Variants in CPED1 observed in about 807,000 individuals in gnomAD.
The protein encoded by CPED1 is cadherin-like and PC-esterase domain-containing protein 1.
In CPED1, 114 loss-of-function variants were observed where a neutral mutation model predicts 128.2. That is an observed-to-expected ratio of 0.89 (90% CI 0.76 to 1.04). The LOEUF is 1.04. CPED1 is among the 50% of genes least tolerant of loss of function. The pLI is 0.00. For missense variants in CPED1, 1,211 were observed against 1,207.1 expected, an observed-to-expected ratio of 1.00 and a Z score of -0.05; for synonymous variants, 462 against 426.7, an observed-to-expected ratio of 1.08 and a Z score of -1.02.
chr7:121,230,012 T>C (rs1028455234), intron 16 of CPED1, among the ~76,000 whole-genome samples: 20 of 152,100 alleles, frequency 1.3e-4, no homozygotes, highest in Non-Finnish European at 2.4e-4. Context: ...TGCAATGCAA[T>C]CTCTTGAATT....
chr7:121,216,685 CAA>C (rs1234956777), intron 16 of CPED1, among the ~76,000 whole-genome samples: 4 of 151,964 alleles, frequency 2.6e-5, no homozygotes, highest in Admixed American at 1.3e-4. Context: ...CTGGATGCTG[CAA>C]GTTTTTCCTT....
chr7:121,125,912 CAT>C lies in CPED1; in HGVS notation c.1134+21_1134+22del. 1 of 1,512,918 alleles carries C rather than the reference CAT, an allele frequency of 6.6e-7. No individual in the cohort carries two copies. The highest frequency in any genetic ancestry group is 9.2e-7 in the Non-Finnish European group (1 of 1,087,954). 93.7% of individuals were successfully genotyped at this position (1,512,918 alleles called of 1,614,324 possible). A position where few individuals can be genotyped will look rare whatever the true frequency, so the allele number is the denominator to read the frequency against. The stretch of plus-strand genomic sequence containing the variant: ...CTCCAGGTCAGTATGCCAAAGGCCT[CAT>C]GTGAGCTTCTACCTTGTGGTGAGAG... On this transcript the variant is annotated intron_variant, in intron 9 of 22. Transcript: ENST00000310396.
chr7:121,111,561 G>A (rs1373271378), intron 7 of CPED1, among the ~76,000 whole-genome samples: 3 of 152,176 alleles, frequency 2.0e-5, no homozygotes, highest in African/African-American at 7.2e-5. Context: ...AGATAAGAAG[G>A]TGAGAACATG....
At chr7:121,082,646 A>T (rs1584498756) in intron 5 of CPED1, among the ~76,000 whole-genome samples, 1 of 152,280 alleles carries the variant, frequency 6.6e-6, no homozygotes, top group East Asian at 1.9e-4. Flanking sequence ...CATCTATAGG[A>T]TAACCATCTG....
intron 16 of CPED1, among the ~76,000 whole-genome samples, chr7:121,214,670 G>A (rs367973905): frequency 3.1e-4 from 47 of 152,120 alleles, no homozygotes; most frequent in African/African-American, 9.4e-4. Flanking sequence ...CTGTCATGTC[G>A]TAGATACAAG....
At chr7:121,209,889 A>G (rs1255594649) in intron 16 of CPED1, among the ~76,000 whole-genome samples, 2 of 152,062 alleles carry the variant, frequency 1.3e-5, no homozygotes, top group Non-Finnish European at 2.9e-5. Flanking sequence ...CACATAAACC[A>G]TATAAACAAC....
intron 22 of CPED1, among the ~76,000 whole-genome samples, chr7:121,278,134 TA>T (rs1179390641): frequency 3.3e-5 from 5 of 152,120 alleles, no homozygotes; most frequent in African/African-American, 7.2e-5. Flanking sequence ...AGGGGGCTCA[TA>T]ATAGCTTTCA....
chr7:121,066,738 A>G (rs778719300), intron 5 of CPED1, among the ~76,000 whole-genome samples: 1 of 152,164 alleles, frequency 6.6e-6, no homozygotes, highest in Non-Finnish European at 1.5e-5. Flanking sequence ...GCCAACTATC[A>G]GCACATGTAC....
At chr7:121,100,831 C>T (rs1386064358) in intron 7 of CPED1, among the ~76,000 whole-genome samples, 1 of 152,050 alleles carries the variant, frequency 6.6e-6, no homozygotes, top group African/African-American at 2.4e-5. Flanking sequence ...TGATTTTTTT[C>T]AGAATTTACC....
At chr7:121,141,036 G>A in intron 15 of CPED1, 23 bp downstream of exon 15, 1 of 1,583,314 alleles carries the variant, frequency 6.3e-7, no homozygotes, top group Non-Finnish European at 8.6e-7. Flanking sequence ...GACTGGGGCT[G>A]TGTTGAGACA....
chr7:121,175,513 G>A (rs1007729651), intron 16 of CPED1, among the ~76,000 whole-genome samples: 1 of 152,048 alleles, frequency 6.6e-6, no homozygotes, highest in East Asian at 1.9e-4. Context: ...GAGCATTTAA[G>A]TGTCTCATTA....
chr7:121,293,175 G>T (rs1411061162), intron 22 of CPED1, among the ~76,000 whole-genome samples: 1 of 152,168 alleles, frequency 6.6e-6, no homozygotes, highest in Non-Finnish European at 1.5e-5. Flanking sequence ...TTATCTATAA[G>T]CCCCTGACTA....
At chr7:121,250,607 T>C (rs1380196785) in intron 18 of CPED1, among the ~76,000 whole-genome samples, 2 of 152,020 alleles carry the variant, frequency 1.3e-5, no homozygotes, top group African/African-American at 2.4e-5. Flanking sequence ...AAGAATCAAA[T>C]AGATGCAATA....
rs187972520 is a variant in CPED1 at position 121,001,761 on chromosome 7, G to A, written c.249+11891G>A. 3.4e-4 allele frequency among the ~76,000 whole-genome samples: 51 copies of A among 152,202 alleles called. No individual in the cohort carries two copies. In the Middle Eastern group the frequency reaches 0.01, roughly 30 times the overall value. ...CCCAGTTTCCATAATGAAGAGTTGA[G>A]TGACCATGGACAAGTGACTTCTTTG... On this transcript the variant is annotated intron_variant, in intron 2 of 22. Transcript: ENST00000310396.
At chr7:121,104,233 T>G (rs1794917591) in intron 7 of CPED1, among the ~76,000 whole-genome samples, 1 of 152,136 alleles carries the variant, frequency 6.6e-6, no homozygotes, top group Non-Finnish European at 1.5e-5. Flanking sequence ...ATGTCTTCCC[T>G]TAAAAAGCTC....
chr7:121,214,345 T>C (rs553489863), intron 16 of CPED1, among the ~76,000 whole-genome samples: 1 of 151,972 alleles, frequency 6.6e-6, no homozygotes, highest in African/African-American at 2.4e-5. Flanking sequence ...CAGGCTAGAG[T>C]GTAGTGGTGC....
At chr7:121,285,888 T>G (rs1295898710) in intron 22 of CPED1, among the ~76,000 whole-genome samples, 1 of 152,204 alleles carries the variant, frequency 6.6e-6, no homozygotes. Context: ...CCAAGGTCAC[T>G]TTCACATTTT....
At chr7:121,033,493 C>CTACA (rs762065999) in intron 3 of CPED1, among the ~76,000 whole-genome samples, 1 of 152,170 alleles carries the variant, frequency 6.6e-6, no homozygotes, top group Non-Finnish European at 1.5e-5. Flanking sequence ...TGACAGTGTC[C>CTACA]TACACACTTT....
intron 3 of CPED1, among the ~76,000 whole-genome samples, chr7:121,043,736 G>A (rs898021877): frequency 1.3e-5 from 2 of 152,300 alleles, no homozygotes; most frequent in East Asian, 3.9e-4. Context: ...GTAGGATATG[G>A]ACCCAGTGTT....
Sources: allele counts gnomAD v4.1 joint callset (sites outside exome capture counted in the v4.1 genomes callset), GRCh38; gene constraint gnomAD v4.1.1; transcripts MANE v1.5; gene names NCBI Gene and HGNC (gene_info 2026-07-23, HGNC 2026-07-21).